PRDM1: variants seen among roughly 807,000 people sequenced by gnomAD.
The protein encoded by PRDM1 is PR domain zinc finger protein 1.
A neutral mutation model predicts 62.8 loss-of-function variants in PRDM1; 13 were observed. The observed-to-expected ratio is 0.21, with a 90% CI of 0.13 to 0.33. The LOEUF is 0.33. Ranked by LOEUF, PRDM1 falls within the 10% of genes least tolerant of loss-of-function variation. The pLI, the probability that PRDM1 is intolerant of heterozygous loss-of-function variation, is 1.00. For synonymous variants in PRDM1, 396 were observed against 417.6 expected (o/e 0.95, Z 0.63); for missense variants, 895 against 1,058.8 (o/e 0.85, Z 2.15).
chr6:106,050,348 G>A (rs1020307571), intron 1 of PRDM1, among the ~76,000 whole-genome samples: 1 of 152,126 alleles, frequency 6.6e-6, no homozygotes, highest in Non-Finnish European at 1.5e-5. Flanking sequence ...TATCTCTAAG[G>A]TTCTTCATGG....
chr6:106,041,208 AC>A (rs763009199), intron 1 of PRDM1, among the ~76,000 whole-genome samples: 1 of 83,962 alleles, frequency 1.2e-5, no homozygotes, highest in Non-Finnish European at 2.3e-5. Context: ...TCTCTCTGTT[AC>A]TTTTCATTGT....
chr6:106,004,149 T>C (rs1772458685), intron 1 of PRDM1, among the ~76,000 whole-genome samples: 1 of 152,126 alleles, frequency 6.6e-6, no homozygotes, highest in African/African-American at 2.4e-5. Context: ...GGGGCTATTG[T>C]GGCTCTCTGC....
intron 1 of PRDM1, among the ~76,000 whole-genome samples, chr6:106,062,018 G>T (rs979471941): frequency 2.6e-5 from 4 of 152,168 alleles, no homozygotes; most frequent in African/African-American, 9.7e-5. Flanking sequence ...TATAGGCAAG[G>T]GTGGGGGAAA....
Position 106,062,114 on chromosome 6 carries a change from T to C in PRDM1, c.-67+13400T>C, listed in dbSNP as rs1473807862. On this transcript the variant is annotated intron_variant, in intron 1 of 6. Transcript: ENST00000651185. ...CTATTTAAAATTGTAAAAAAATCTT[T>C]TAGACCCCACTGTCTACATGGCTTG... Among the ~76,000 whole-genome samples the C allele has an allele frequency of 2.6e-5, 4 of 152,226 alleles. No homozygotes were observed. In the East Asian group the frequency reaches 5.8e-4, roughly 22 times the overall value.
intron 1 of PRDM1, among the ~76,000 whole-genome samples, chr6:106,019,829 G>A (rs1772671350): frequency 1.3e-5 from 2 of 151,412 alleles, no homozygotes; most frequent in Non-Finnish European, 1.5e-5. Context: ...TAGTAGAGAC[G>A]GGGTTTCACC....
At chr6:106,019,268 A>G (rs1477054296) in intron 1 of PRDM1, among the ~76,000 whole-genome samples, 4 of 150,680 alleles carry the variant, frequency 2.7e-5, no homozygotes, top group African/African-American at 9.7e-5. Flanking sequence ...AAAAAAAAAA[A>G]AAAAAAAAAA....
At chr6:106,102,719 A>G (rs1774309466) in intron 4 of PRDM1, among the ~76,000 whole-genome samples, 1 of 152,240 alleles carries the variant, frequency 6.6e-6, no homozygotes, top group Non-Finnish European at 1.5e-5. Flanking sequence ...GTTGAATTAT[A>G]GAACCAAGGG....
chr6:106,018,049 A>T (rs1380067088), intron 1 of PRDM1, among the ~76,000 whole-genome samples: 1 of 152,136 alleles, frequency 6.6e-6, no homozygotes, highest in African/African-American at 2.4e-5. Context: ...CAGGAGCTTT[A>T]TATGTGACCA....
At chr6:106,053,340 C>T (rs1294899989) in intron 1 of PRDM1, among the ~76,000 whole-genome samples, 3 of 151,766 alleles carry the variant, frequency 2.0e-5, no homozygotes, top group African/African-American at 7.3e-5. Flanking sequence ...AAAATTGTAA[C>T]CCAGTTGGAA....
At chr6:106,025,905 T>G (rs952465376) in intron 1 of PRDM1, among the ~76,000 whole-genome samples, 10 of 152,276 alleles carry the variant, frequency 6.6e-5, no homozygotes, top group South Asian at 2.1e-4. Flanking sequence ...GACTCATAAG[T>G]TTTGAAACAG....
intron 2 of PRDM1, among the ~76,000 whole-genome samples, chr6:106,092,361 T>C (rs1473297425): frequency 6.6e-6 from 1 of 152,178 alleles, no homozygotes; most frequent in East Asian, 1.9e-4. Context: ...GCACCGCACA[T>C]AAAGAGCTTC....
chr6:106,091,093 GTCC>G (rs747490447), intron 2 of PRDM1, among the ~76,000 whole-genome samples: 52 of 152,200 alleles, frequency 3.4e-4, no homozygotes, highest in Non-Finnish European at 6.2e-4. Context: ...TTTTCCCCTT[GTCC>G]TCCTGAAATA....
intron 1 of PRDM1, among the ~76,000 whole-genome samples, chr6:106,053,389 T>C (rs1254653705): frequency 1.3e-5 from 2 of 152,216 alleles, no homozygotes; most frequent in African/African-American, 4.8e-5. Context: ...TCATAAGTAA[T>C]CTTTTGTAAG....
Position 106,105,774 on chromosome 6 carries a change from G to A in PRDM1, c.1614G>A (p.Met538Ile). The change falls in exon 5 of 7, where the codon ATG (methionine) becomes ATA (isoleucine). Residue 538 changes from methionine to isoleucine, a missense_variant. By Grantham distance (10) the Met-to-Ile change is conservative. Around this residue, in one of 4 missense-constraint regions of PRDM1, gnomAD observed 444 missense variants for 422.7 expected, o/e 1.05. Transcript: ENST00000369096. The part of the protein sequence containing the change: ...VVQPKATSAA[M>I]AAPSSDEAMN... Reference sequence around the variant, plus strand: ...AGCCCAAAGCTACCTCAGCAGCGATGGCAGCCCCCAGCAGCGACGAAGCCA... The same window carrying A: ...AGCCCAAAGCTACCTCAGCAGCGATAGCAGCCCCCAGCAGCGACGAAGCCA... 1 of 1,614,198 alleles carries A rather than the reference G, an allele frequency of 6.2e-7. No individual in the cohort carries two copies. Among genetic ancestry groups the A allele is most frequent in the Non-Finnish European group, 8.5e-7 (1 of 1,180,036 alleles).
In PRDM1 at chr6:106,107,442, C is replaced by G. The variant is rs1222290391; in HGVS notation, c.2434C>G (p.Pro812Ala). The G allele has an allele frequency of 1.9e-6, 3 of 1,613,112 alleles. No individual in the cohort carries two copies. In the South Asian group the frequency reaches 3.3e-5, roughly 18 times the overall value. The change falls in exon 7 of 7, where the codon CCT becomes GCT. Residue 812 changes from proline to alanine, a missense_variant. Physicochemically the swap from Pro to Ala is conservative, Grantham distance 27 (BLOSUM62 -1). This residue lies in a region of PRDM1 where 164 missense variants were observed against 179.9 expected (regional missense o/e 0.91). Coordinates refer to ENST00000369096, the MANE Select transcript of PRDM1 (RefSeq NM_001198.4). ...TCCCAGCAACCCACTACCTCTGGTACCTGTAAAGGTCAAACAAGAAACAGT... is the reference window on the plus strand; with the variant it reads ...TCCCAGCAACCCACTACCTCTGGTAGCTGTAAAGGTCAAACAAGAAACAGT... Reference protein sequence around the residue: ...LPPSNPLPLVPVKVKQETVEP... With the variant: ...LPPSNPLPLVAVKVKQETVEP...
chr6:106,006,731 T>A (rs1434117342), intron 1 of PRDM1, among the ~76,000 whole-genome samples: 2 of 151,936 alleles, frequency 1.3e-5, no homozygotes, highest in Non-Finnish European at 2.9e-5. Flanking sequence ...TCCTGGCTGG[T>A]CCATGCTCCA....
At chr6:106,092,268 C>T (rs758295375) in intron 2 of PRDM1, among the ~76,000 whole-genome samples, 34 of 152,166 alleles carry the variant, frequency 2.2e-4, no homozygotes, top group Non-Finnish European at 3.2e-4. Context: ...TGTCCGGAAG[C>T]TGTGGAAACT....
chr6:106,059,441 T>C (rs1357003053), intron 1 of PRDM1, among the ~76,000 whole-genome samples: 1 of 152,138 alleles, frequency 6.6e-6, no homozygotes, highest in East Asian at 1.9e-4. Context: ...ACAAAAACCG[T>C]GTCTGGAGCC....
rs1243774794 is a variant in PRDM1, at chr6:105,994,466, C to T, written c.-67+827C>T. Among the ~76,000 whole-genome samples, 1 of 152,174 alleles carries T rather than the reference C, an allele frequency of 6.6e-6. No individual in the cohort carries two copies. The highest frequency in any genetic ancestry group is 1.5e-5 in the Non-Finnish European group (1 of 68,032). Reference sequence around the variant, plus strand: ...CAGCGCGGGGATAGCTTTTCTATTACGTTTCTTGTTCTCCGAGCTCGAGCC... The same window carrying T: ...CAGCGCGGGGATAGCTTTTCTATTATGTTTCTTGTTCTCCGAGCTCGAGCC... On this transcript the variant is annotated intron_variant, in intron 1 of 6. Coordinates refer to the PRDM1 transcript ENST00000652320. The surrounding 1 kb of genome is among the most constrained non-coding windows in gnomAD (Gnocchi z 4.1).
Sources: allele counts gnomAD v4.1 joint callset (sites outside exome capture counted in the v4.1 genomes callset), GRCh38; gene constraint gnomAD v4.1.1; regional missense constraint gnomAD v4.1.1; non-coding constraint Gnocchi (gnomAD v3.1); transcripts MANE v1.5; gene names NCBI Gene and HGNC (gene_info 2026-07-23, HGNC 2026-07-21).